Variants in RUNX2 observed in about 807,000 individuals in gnomAD.
The protein encoded by RUNX2 is RUNX family transcription factor 2.
RUNX2 carries 10 observed loss-of-function variants against 51.7 expected under a neutral mutation model. That is an observed-to-expected ratio of 0.19 (90% CI 0.12 to 0.33). The LOEUF is 0.33. Ranked by LOEUF, RUNX2 falls within the 10% of genes least tolerant of loss-of-function variation. The pLI is 1.00. For synonymous variants in RUNX2, 276 were observed against 273.6 expected, an observed-to-expected ratio of 1.01 and a Z score of -0.09; for missense variants, 562 against 691.3, an observed-to-expected ratio of 0.81 and a Z score of 2.10.
chr6:45,419,377 C>T (rs1798128748), intron 2 of RUNX2, among the ~76,000 whole-genome samples: 1 of 151,660 alleles, frequency 6.6e-6, no homozygotes, highest in Non-Finnish European at 1.5e-5. Context: ...AGCCAGGGAT[C>T]TCTGTTAGAC....
chr6:45,506,795 T>C lies in RUNX2; in HGVS notation c.860-5451T>C, dbSNP rs116710986. 8.9e-3 allele frequency among the ~76,000 whole-genome samples: 1,348 copies of C among 152,114 alleles called. 16 individuals are homozygous for C. Among genetic ancestry groups the C allele is most frequent in the African/African-American group, 0.03 (1,255 of 41,490 alleles). ...AGCTGGGACCACAGGCATGTTTCAC[T>C]GCACCCGGATAATTTTTGTATTTTT... On this transcript the variant is annotated intron_variant, in intron 6 of 8. Coordinates refer to ENST00000647337, the MANE Select transcript of RUNX2 (RefSeq NM_001024630.4).
In RUNX2 at chr6:45,365,551, T is replaced by TA. The variant is rs1036953877; in HGVS notation, c.58+36768dup. ...GTGATAAATACTTTAGCACCTATTT[T>TA]ACAATAGGTAATGTAAAAACAGTAT... On this transcript the variant is annotated intron_variant, in intron 2 of 8. Coordinates refer to ENST00000647337, the MANE Select transcript of RUNX2 (RefSeq NM_001024630.4). 3.3e-5 allele frequency among the ~76,000 whole-genome samples: 5 copies of TA among 151,592 alleles called. No individual in the cohort carries two copies. The East Asian group carries it at 7.7e-4, about 23-fold the overall frequency.
At chr6:45,359,076 T>C (rs1414318647) in intron 2 of RUNX2, among the ~76,000 whole-genome samples, 3 of 152,190 alleles carry the variant, frequency 2.0e-5, no homozygotes, top group Non-Finnish European at 4.4e-5. Flanking sequence ...AGACACTTTT[T>C]TCCCTGGTAA....
At chr6:45,387,751 A>G (rs1797382027) in intron 2 of RUNX2, among the ~76,000 whole-genome samples, 2 of 152,230 alleles carry the variant, frequency 1.3e-5, no homozygotes, top group Non-Finnish European at 2.9e-5. Flanking sequence ...AGAGTCAACA[A>G]GGAACGTTGA....
intron 2 of RUNX2, among the ~76,000 whole-genome samples, chr6:45,342,634 T>C (rs546394906): frequency 6.6e-6 from 1 of 152,274 alleles, no homozygotes; most frequent in South Asian, 2.1e-4. Context: ...TAATATAAGG[T>C]TTACACAGTA....
At chr6:45,524,121 GAA>G (rs1801597325) in intron 7 of RUNX2, among the ~76,000 whole-genome samples, 1 of 151,986 alleles carries the variant, frequency 6.6e-6, no homozygotes, top group Admixed American at 6.6e-5. Context: ...TTGTTTTCCT[GAA>G]ATGCAAACAG....
At chr6:45,522,060 T>C (rs1396845231) in intron 7 of RUNX2, among the ~76,000 whole-genome samples, 1 of 152,262 alleles carries the variant, frequency 6.6e-6, no homozygotes, top group Non-Finnish European at 1.5e-5. Context: ...TAGAACATTT[T>C]AGATTTTAAT....
chr6:45,450,168 T>C (rs1016053882), intron 5 of RUNX2, among the ~76,000 whole-genome samples: 1 of 152,256 alleles, frequency 6.6e-6, no homozygotes, highest in South Asian at 2.1e-4. Flanking sequence ...AAAAGGAGCA[T>C]GACAATAGAA....
chr6:45,431,824 A>G, intron 3 of RUNX2, 39 bp from the exon 4 acceptor site: 1 of 1,608,998 alleles, frequency 6.2e-7, no homozygotes, highest in Non-Finnish European at 8.5e-7. Context: ...AGCCTTTCTG[A>G]TGTGCCATTA....
chr6:45,422,556 C>T (rs750716668), intron 2 of RUNX2, 37 bp from the exon 3 acceptor site: 3 of 1,415,818 alleles, frequency 2.1e-6, no homozygotes, highest in African/African-American at 1.5e-5. Flanking sequence ...CCGGCCACTT[C>T]GCTAACTTGT....
chr6:45,478,040 G>A (rs1800005370), intron 5 of RUNX2, among the ~76,000 whole-genome samples: 1 of 152,048 alleles, frequency 6.6e-6, no homozygotes, highest in African/African-American at 2.4e-5. Context: ...TGGTTGGAAT[G>A]TTATCTTCTT....
chr6:45,489,787 C>G (rs1384686524), intron 5 of RUNX2, among the ~76,000 whole-genome samples: 1 of 152,156 alleles, frequency 6.6e-6, no homozygotes, highest in African/African-American at 2.4e-5. Context: ...ACTAGTTAGA[C>G]CCAGCAAGAT....
chr6:45,533,888 CT>C (rs553154980), intron 7 of RUNX2, among the ~76,000 whole-genome samples: 219 of 108,074 alleles, frequency 2.0e-3, no homozygotes, highest in Middle Eastern at 5.7e-3. Context: ...CCTGTTGAGA[CT>C]TTTTTTTTTT....
chr6:45,469,937 G>A lies in RUNX2; in HGVS notation c.686-22004G>A, dbSNP rs559571933. On this transcript the variant is annotated intron_variant, in intron 5 of 8. Transcript: ENST00000647337. ...CTTCATTTTCTGTCATCTTAACTCCGTCACGAACCCTCAGCCTCCTAACAA... is the reference window on the plus strand; with the variant it reads ...CTTCATTTTCTGTCATCTTAACTCCATCACGAACCCTCAGCCTCCTAACAA... Among the ~76,000 whole-genome samples the A allele has an allele frequency of 1.4e-4, 22 of 152,158 alleles. No individual in the cohort carries two copies. In the East Asian group the frequency reaches 2.7e-3, roughly 19 times the overall value.
chr6:45,534,059 T>A (rs1372411815), intron 7 of RUNX2, among the ~76,000 whole-genome samples: 1 of 151,930 alleles, frequency 6.6e-6, no homozygotes, highest in African/African-American at 2.4e-5. Context: ...CACGCCTGGC[T>A]AATTTTTGTA....
chr6:45,423,096 C>T (rs1798269202), intron 3 of RUNX2, 139 bp downstream of exon 3: 4 of 1,038,048 alleles, frequency 3.9e-6, no homozygotes, highest in Admixed American at 3.9e-5. Flanking sequence ...AAACCCCCGG[C>T]CGGGCCTCCC....
chr6:45,473,267 T>G, intron 5 of RUNX2, among the ~76,000 whole-genome samples: 2 of 143,000 alleles, frequency 1.4e-5, no homozygotes, highest in Non-Finnish European at 1.5e-5. Context: ...CCCTCCCCCA[T>G]TCCTCCCACC....
intron 6 of RUNX2, among the ~76,000 whole-genome samples, chr6:45,494,753 A>G (rs1800596468): frequency 6.6e-6 from 1 of 152,242 alleles, no homozygotes; most frequent in Non-Finnish European, 1.5e-5. Context: ...AGCAATGCGA[A>G]AATGAATTGA....
At chr6:45,342,173 A>G (rs1254300920) in intron 2 of RUNX2, among the ~76,000 whole-genome samples, 1 of 152,094 alleles carries the variant, frequency 6.6e-6, no homozygotes, top group African/African-American at 2.4e-5. Context: ...AAAATAGGAA[A>G]GGGTTTTTAT....
Sources: allele counts gnomAD v4.1 joint callset (sites outside exome capture counted in the v4.1 genomes callset), GRCh38; gene constraint gnomAD v4.1.1; transcripts MANE v1.5; gene names NCBI Gene and HGNC (gene_info 2026-07-23, HGNC 2026-07-21).